LRRTM4: variants seen among roughly 807,000 people sequenced by gnomAD.
LRRTM4 encodes leucine rich repeat transmembrane neuronal 4.
In LRRTM4, 25 loss-of-function variants were observed where a neutral mutation model predicts 47.6. The observed-to-expected ratio is 0.53, with a 90% CI of 0.38 to 0.73. The LOEUF (loss-of-function observed/expected upper bound fraction) is 0.73. Among genes scored for constraint, LRRTM4 ranks in the 30% least tolerant of loss-of-function variants. LRRTM4 has a pLI of 0.00. For missense variants in LRRTM4, 638 were observed against 713.4 expected, an observed-to-expected ratio of 0.89 and a Z score of 1.20; for synonymous variants, 311 against 269.5, an observed-to-expected ratio of 1.15 and a Z score of -1.51.
intron 3 of LRRTM4, among the ~76,000 whole-genome samples, chr2:77,141,589 G>T (rs1298684428): frequency 6.6e-6 from 1 of 152,126 alleles, no homozygotes; most frequent in Non-Finnish European, 1.5e-5. Context: ...CCTGCACGTT[G>T]TGCACATGTA....
intron 3 of LRRTM4, among the ~76,000 whole-genome samples, chr2:77,222,954 C>T (rs1176650641): frequency 1.3e-5 from 2 of 152,000 alleles, no homozygotes; most frequent in Non-Finnish European, 2.9e-5. Context: ...TGCAAAAATC[C>T]TCAATAAAAT....
rs181826599 is a variant in LRRTM4, at chr2:77,016,341, G to A, written c.1552-267425C>T. On this transcript the variant is annotated intron_variant, in intron 3 of 3. Transcript: ENST00000409884. Reference sequence around the variant, plus strand: ...GCAGAGGTTGCAGTGAGCCCAGATCGCGCCACTGTGTCCAGCCTGGCGACA... The same window carrying A: ...GCAGAGGTTGCAGTGAGCCCAGATCACGCCACTGTGTCCAGCCTGGCGACA... Among the ~76,000 whole-genome samples the A allele has an allele frequency of 6.6e-5, 10 of 150,398 alleles. No homozygotes were observed. The East Asian group carries it at 1.2e-3, about 18-fold the overall frequency.
intron 3 of LRRTM4, among the ~76,000 whole-genome samples, chr2:77,477,910 AG>A (rs1360713567): frequency 3.3e-5 from 1 of 30,018 alleles, no homozygotes; most frequent in East Asian, 5.3e-4. Flanking sequence ...AGAAAAAGAA[AG>A]AAAGAAAGAA....
intron 3 of LRRTM4, among the ~76,000 whole-genome samples, chr2:76,971,034 G>A (rs1008809873): frequency 2.6e-5 from 4 of 151,956 alleles, no homozygotes; most frequent in Non-Finnish European, 2.9e-5. Flanking sequence ...CATGTGAGGT[G>A]TGTAGGTAAT....
intron 3 of LRRTM4, among the ~76,000 whole-genome samples, chr2:77,373,089 AT>A (rs66528487): frequency 0.086 from 8,925 of 103,910 alleles, 305 homozygotes; most frequent in East Asian, 0.14. Flanking sequence ...TAAAAAAAAA[AT>A]ATATATATAT....
At chr2:77,293,452 A>C (rs927384070) in intron 3 of LRRTM4, among the ~76,000 whole-genome samples, 4 of 152,138 alleles carry the variant, frequency 2.6e-5, no homozygotes, top group Admixed American at 2.6e-4. Context: ...TATAACGGAA[A>C]ACCAGGGAAC....
chr2:77,248,525 T>C (rs1168245127), intron 3 of LRRTM4, among the ~76,000 whole-genome samples: 2 of 152,100 alleles, frequency 1.3e-5, no homozygotes, highest in Admixed American at 1.3e-4. Flanking sequence ...AAGCTTATCT[T>C]GTAGATATAA....
Position 76,868,574 on chromosome 2 carries a change from C to T in LRRTM4, c.1552-119658G>A, listed in dbSNP as rs768415094. 5.9e-5 allele frequency among the ~76,000 whole-genome samples: 9 copies of T among 152,080 alleles called. 1 individual carries two copies. The highest frequency in any genetic ancestry group is 1.3e-4 in the Non-Finnish European group (9 of 68,008). Reference sequence around the variant, plus strand: ...GGATTATATTAGAGACAGGATTTAGCAGAATAAAAAAGGCTTGTGTAGCTT... The same window carrying T: ...GGATTATATTAGAGACAGGATTTAGTAGAATAAAAAAGGCTTGTGTAGCTT... On this transcript the variant is annotated intron_variant, in intron 3 of 3. Coordinates refer to ENST00000409884, the MANE Select transcript of LRRTM4 (RefSeq NM_001134745.3).
chr2:76,814,603 TTA>T (rs1301355936), intron 3 of LRRTM4, among the ~76,000 whole-genome samples: 8 of 152,084 alleles, frequency 5.3e-5, no homozygotes, highest in African/African-American at 1.9e-4. Context: ...GTATTAGGTA[TTA>T]TAAGTAATTG....
intron 3 of LRRTM4, among the ~76,000 whole-genome samples, chr2:77,245,546 AAGAG>A (rs67106046): frequency 7.7e-5 from 4 of 52,130 alleles, no homozygotes; most frequent in Admixed American, 4.8e-4. Context: ...AAAGAAGAAG[AAGAG>A]AAGAAGAGAA....
rs190697118 is a variant in LRRTM4 at position 76,905,107 on chromosome 2, G to A, written c.1552-156191C>T. Among the ~76,000 whole-genome samples the A allele has an allele frequency of 2.4e-3, 363 of 152,184 alleles. 1 individual carries two copies. Among genetic ancestry groups the A allele is most frequent in the Non-Finnish European group, 4.2e-3 (286 of 68,022 alleles). On this transcript the variant is annotated intron_variant, in intron 3 of 3. Transcript: ENST00000409884. Reference sequence around the variant, plus strand: ...TAACTAGGAGGCACCCCCCAGTAGGGGCAGACTGACACCTCACATGGCCGG... The same window carrying A: ...TAACTAGGAGGCACCCCCCAGTAGGAGCAGACTGACACCTCACATGGCCGG...
intron 3 of LRRTM4, among the ~76,000 whole-genome samples, chr2:77,061,251 G>A (rs183933108): frequency 1.3e-5 from 2 of 152,102 alleles, no homozygotes; most frequent in African/African-American, 4.8e-5. Context: ...TAATTATTGT[G>A]TTTATACTTG....
chr2:76,843,478 G>A (rs62173094), intron 3 of LRRTM4, among the ~76,000 whole-genome samples: 35,073 of 151,986 alleles, frequency 0.23, 4,412 homozygotes, highest in African/African-American at 0.32. Flanking sequence ...AAGGTCAGTT[G>A]CTTCCATGGA....
In LRRTM4 at chr2:76,748,628, T is replaced by C. The variant is rs1672727564; in HGVS notation, c.*67A>G. 7.0e-6 allele frequency: 9 copies of C among 1,294,380 alleles called. No homozygotes were observed. The East Asian group carries it at 1.4e-4, about 20-fold the overall frequency. 80.2% of individuals were successfully genotyped at this position (1,294,380 alleles called of 1,614,324 possible). A position where few individuals can be genotyped will look rare whatever the true frequency, so the allele number is the denominator to read the frequency against. ...TCGATTGCGCGATTGTGGACACCCA[T>C]TCTCCTTTAAGATGAAGGCCCTCCC... is the stretch of plus-strand genomic sequence containing the variant. On this transcript the variant is annotated 3_prime_UTR_variant, in exon 4 of 4. Coordinates refer to ENST00000409884, the MANE Select transcript of LRRTM4 (RefSeq NM_001134745.3).
chr2:77,010,680 G>C lies in LRRTM4; in HGVS notation c.1552-261764C>G, dbSNP rs145723377. Among the ~76,000 whole-genome samples the C allele has an allele frequency of 7.4e-4, 112 of 152,088 alleles. 1 individual carries two copies. The highest frequency in any genetic ancestry group is 1.1e-3 in the Non-Finnish European group (78 of 67,962). ...ATTTCATATGAAACAGAACTCTTTT[G>C]TATCATGTTCAAAACTGTATCTGCC... On this transcript the variant is annotated intron_variant, in intron 3 of 3. Transcript: ENST00000409884.
chr2:77,323,270 G>A (rs1419341861), intron 3 of LRRTM4, among the ~76,000 whole-genome samples: 2 of 152,086 alleles, frequency 1.3e-5, no homozygotes, highest in Non-Finnish European at 2.9e-5. Flanking sequence ...GTCAGCGGAG[G>A]AACAGTCTCT....
chr2:77,051,794 G>C (rs1332747136), intron 3 of LRRTM4, among the ~76,000 whole-genome samples: 6 of 151,942 alleles, frequency 3.9e-5, no homozygotes, highest in Admixed American at 3.9e-4. Context: ...CCTGAATAAA[G>C]ACTTTTTTTT....
intron 3 of LRRTM4, among the ~76,000 whole-genome samples, chr2:76,953,608 G>T (rs1378589529): frequency 8.6e-5 from 13 of 151,824 alleles, no homozygotes; most frequent in Admixed American, 8.6e-4. Flanking sequence ...TACCTTGAAT[G>T]TCTGGGGTCC....
intron 3 of LRRTM4, among the ~76,000 whole-genome samples, chr2:77,445,909 T>A (rs1049493645): frequency 1.3e-4 from 20 of 152,074 alleles, no homozygotes; most frequent in Non-Finnish European, 2.8e-4. Flanking sequence ...AAACAGTGTC[T>A]GGCACATAGC....
Sources: gnomAD v4.1 joint callset for allele counts (sites outside exome capture counted in the v4.1 genomes callset) on GRCh38, gnomAD v4.1.1 for gene constraint, MANE v1.5 for transcripts, NCBI Gene and HGNC (gene_info 2026-07-23, HGNC 2026-07-21) for gene names.